Variants in RLN2 observed in about 807,000 individuals in gnomAD.
RLN2 encodes the protein prorelaxin H2.
In RLN2, 10 loss-of-function variants were observed where a neutral mutation model predicts 7.3. That is an observed-to-expected ratio of 1.36 (90% CI 0.84 to 2.31). RLN2 has a LOEUF of 2.31. Ranked by LOEUF, RLN2 falls within the 30% of genes most tolerant of loss-of-function variation. The probability of loss-of-function intolerance (pLI) is 0.00; values close to 1 mark genes in which losing one functional copy is unlikely to be tolerated. For missense variants in RLN2, 298 were observed against 217.6 expected, an observed-to-expected ratio of 1.37 and a Z score of -2.32; for synonymous variants, 103 against 82.3, an observed-to-expected ratio of 1.25 and a Z score of -1.36.
At chr9:5,339,183 C>A in the RLN2 span, 15 of 197,984 alleles carry the variant, frequency 7.6e-5, no homozygotes, top group South Asian at 3.5e-4. Flanking sequence ...GTGCGCCCGG[C>A]CTCCTGCGGG....
At chr9:5,317,954 G>A in the RLN2 span, among the ~76,000 whole-genome samples, 60 of 151,338 alleles carry the variant, frequency 4.0e-4, no homozygotes, top group East Asian at 1.9e-4. Flanking sequence ...AAAATCGTAC[G>A]ACCCTTTTGG....
chr9:5,336,361 C>A, the RLN2 span, among the ~76,000 whole-genome samples: 1 of 152,120 alleles, frequency 6.6e-6, no homozygotes, highest in African/African-American at 2.4e-5. Flanking sequence ...GCAGATCATG[C>A]ACTATGCAAG....
chr9:5,331,312 C>T, the RLN2 span, among the ~76,000 whole-genome samples: 11 of 152,064 alleles, frequency 7.2e-5, no homozygotes, highest in African/African-American at 2.4e-4. Flanking sequence ...TAGGCCAATA[C>T]CCTGATGAAC....
chr9:5,315,590 A>G, the RLN2 span, among the ~76,000 whole-genome samples: 1 of 152,046 alleles, frequency 6.6e-6, no homozygotes, highest in Non-Finnish European at 1.5e-5. Flanking sequence ...TCCAGATTCA[A>G]GAAGCTCCAA....
At chr9:5,311,471 T>A in the RLN2 span, 1 of 647,958 alleles carries the variant, frequency 1.5e-6, no homozygotes, top group Non-Finnish European at 2.8e-6. Context: ...CTGAAGGGGA[T>A]GTTAAAGGAG....
the RLN2 span, among the ~76,000 whole-genome samples, chr9:5,320,660 C>T: frequency 6.6e-6 from 1 of 152,084 alleles, no homozygotes; most frequent in Admixed American, 6.5e-5. Context: ...CATGAGCCAC[C>T]ATGCCCAGCC....
At chr9:5,330,351 TAGAG>T in the RLN2 span, among the ~76,000 whole-genome samples, 1 of 151,832 alleles carries the variant, frequency 6.6e-6, no homozygotes, top group Non-Finnish European at 1.5e-5. Context: ...TTAAAAGAAT[TAGAG>T]AGGCCGGGTG....
chr9:5,308,655 T>C (rs1448274288), upstream of RLN2, among the ~76,000 whole-genome samples: 1 of 152,026 alleles, frequency 6.6e-6, no homozygotes, highest in East Asian at 1.9e-4. Flanking sequence ...GGTTGATCTG[T>C]TCTATAAGGC....
At chr9:5,318,003 T>C in the RLN2 span, among the ~76,000 whole-genome samples, 1 of 135,284 alleles carries the variant, frequency 7.4e-6, no homozygotes, top group Non-Finnish European at 1.5e-5. Flanking sequence ...TATGTGTGTG[T>C]GTGCGTGTGT....
the RLN2 span, chr9:5,335,329 C>CT: frequency 6.2e-7 from 1 of 1,612,630 alleles, no homozygotes; most frequent in Non-Finnish European, 8.5e-7. Context: ...AGGGTCGTCT[C>CT]TTTTTTTGAG....
chr9:5,301,735 G>T (rs1274171982), intron 1 of RLN2, among the ~76,000 whole-genome samples: 1 of 152,148 alleles, frequency 6.6e-6, no homozygotes, highest in Admixed American at 6.5e-5. Flanking sequence ...GACAGCGGTG[G>T]TTCTGGGGCT....
the RLN2 span, among the ~76,000 whole-genome samples, chr9:5,334,444 A>T: frequency 6.6e-6 from 1 of 152,078 alleles, no homozygotes; most frequent in Non-Finnish European, 1.5e-5. Context: ...CCAGTAAAAT[A>T]GCAAGTTGAT....
chr9:5,300,120 C>G lies in RLN2; in HGVS notation c.536G>C (p.Arg179Thr). Reference sequence around the variant, plus strand: ...ATCTCAGCAAAATCTAGCAAGAGATCTTTTGGTACAACCAACATGGCAACA... The same window carrying G: ...ATCTCAGCAAAATCTAGCAAGAGATGTTTTGGTACAACCAACATGGCAACA... ...NKCCHVGCTKRSLARFC is the reference protein window; with the variant it reads ...NKCCHVGCTKTSLARFC The change falls in exon 2 of 2, where the codon AGA (arginine) becomes ACA (threonine). Residue 179 changes from arginine to threonine, a missense_variant. Arg to Thr is a moderately conservative substitution (Grantham distance 71). Transcript: ENST00000381627. The G allele has an allele frequency of 6.3e-7, 1 of 1,598,242 alleles. No homozygotes were observed. Among genetic ancestry groups the G allele is most frequent in the Non-Finnish European group, 8.5e-7 (1 of 1,174,460 alleles).
chr9:5,307,545 C>G (rs1242015105), upstream of RLN2, among the ~76,000 whole-genome samples: 1 of 151,866 alleles, frequency 6.6e-6, no homozygotes, highest in Non-Finnish European at 1.5e-5. Flanking sequence ...AATACAGATT[C>G]TGGGTCCAGA....
the RLN2 span, among the ~76,000 whole-genome samples, chr9:5,327,904 G>A: frequency 1.3e-5 from 2 of 151,988 alleles, no homozygotes; most frequent in South Asian, 2.1e-4. Context: ...AACCCCATTT[G>A]TAGGTCACCA....
the RLN2 span, among the ~76,000 whole-genome samples, chr9:5,317,092 A>C: frequency 7.2e-5 from 11 of 152,020 alleles, no homozygotes; most frequent in African/African-American, 2.4e-4. Flanking sequence ...CAACTGATAA[A>C]GAGAAAGGAA....
At chr9:5,333,240 C>A in the RLN2 span, among the ~76,000 whole-genome samples, 24 of 152,122 alleles carry the variant, frequency 1.6e-4, no homozygotes, top group South Asian at 1.0e-3. Flanking sequence ...TACCATTTCT[C>A]TGGCCTCTGC....
chr9:5,304,484 T>C lies in RLN2; in HGVS notation c.97A>G (p.Lys33Glu), dbSNP rs199618978. ...VADSWMEEVI[K>E]LCGRELVRAQ... is the part of the protein sequence containing the mutation. ...CGAACTAATTCGCGGCCGCATAATT[T>C]AATAACTTCCTCCATCCATGAGTCC... The change falls in exon 1 of 2, where the codon AAA becomes GAA. Residue 33 changes from lysine (K) to glutamate (E), a missense_variant. Transcript: ENST00000381627. 7.4e-6 allele frequency: 12 copies of C among 1,613,556 alleles called. No homozygotes were observed. The highest frequency in any genetic ancestry group is 1.0e-5 in the Non-Finnish European group (12 of 1,179,894).
chr9:5,307,593 G>A (rs763717020), upstream of RLN2, among the ~76,000 whole-genome samples: 28 of 152,136 alleles, frequency 1.8e-4, no homozygotes, highest in Non-Finnish European at 2.8e-4. Flanking sequence ...GACAGGATGA[G>A]GGATGTGGGT....
Sources: gnomAD v4.1 joint callset for allele counts (sites outside exome capture counted in the v4.1 genomes callset) on GRCh38, gnomAD v4.1.1 for gene constraint, MANE v1.5 for transcripts, NCBI Gene and HGNC (gene_info 2026-07-23, HGNC 2026-07-21) for gene names.